SPRED1: variants seen among roughly 807,000 people sequenced by gnomAD.
The protein encoded by SPRED1 is sprouty related EVH1 domain containing 1.
In SPRED1, 18 loss-of-function variants were observed where a neutral mutation model predicts 52.3. The ratio of observed to expected loss-of-function variants is 0.34; its 90% confidence interval spans 0.24 to 0.51. The LOEUF (loss-of-function observed/expected upper bound fraction) is 0.51. Ranked by LOEUF, SPRED1 falls within the 20% of genes least tolerant of loss-of-function variation. The pLI, the probability that SPRED1 is intolerant of heterozygous loss-of-function variation, is 0.97. For synonymous variants in SPRED1, 155 were observed against 179.7 expected (o/e 0.86, Z 1.10); for missense variants, 485 against 551.0 (o/e 0.88, Z 1.20).
chr15:38,263,845 G>A (rs539534946), intron 1 of SPRED1, among the ~76,000 whole-genome samples: 16 of 152,290 alleles, frequency 1.1e-4, no homozygotes, highest in Admixed American at 8.5e-4. Context: ...ATCTCATAAT[G>A]TTATAAGAAA....
chr15:38,316,748 G>GGTTTTTTTTTTTTTTTTTTTTTTTT, intron 2 of SPRED1, among the ~76,000 whole-genome samples: 9 of 41,920 alleles, frequency 2.1e-4, no homozygotes, highest in Non-Finnish European at 2.2e-4. Flanking sequence ...TCCATTATAT[G>GGTTTTTTTTTTTTTTTTTTTTTTTT]TTTTTTTTTT....
chr15:38,317,104 A>G (rs930562850), intron 2 of SPRED1, among the ~76,000 whole-genome samples: 2 of 151,888 alleles, frequency 1.3e-5, no homozygotes, highest in African/African-American at 4.8e-5. Flanking sequence ...TATTTTATGA[A>G]TGTCCTTCAT....
chr15:38,292,752 G>A (rs1385165554), intron 1 of SPRED1, among the ~76,000 whole-genome samples: 1 of 152,090 alleles, frequency 6.6e-6, no homozygotes, highest in African/African-American at 2.4e-5. Context: ...TTGGATGGGG[G>A]ACACAGCCAA....
At chr15:38,345,744 G>A (rs1896120306) in intron 5 of SPRED1, among the ~76,000 whole-genome samples, 1 of 152,118 alleles carries the variant, frequency 6.6e-6, no homozygotes, top group African/African-American at 2.4e-5. Context: ...ATGACTTTTA[G>A]TGCACTTCAG....
In SPRED1 at chr15:38,349,453, A is replaced by G. The variant is rs779879921; in HGVS notation, c.614A>G (p.Gln205Arg). ...ITFGQPGLDIQSRSMEYVQRQ... is the reference protein window; with the variant it reads ...ITFGQPGLDIRSRSMEYVQRQ... ...TTTGGTCAGCCAGGCTTGGACATTC[A>G]GAGCAGAAGTATGGAATACGTACAG... is the stretch of plus-strand genomic sequence containing the variant. The change falls in exon 6 of 7, where the codon CAG (glutamine) becomes CGG (arginine). Residue 205 changes from glutamine (Q) to arginine (R), a missense_variant. Around this residue, in one of 5 missense-constraint regions of SPRED1, gnomAD observed 232 missense variants for 231.8 expected, o/e 1.00. Transcript: ENST00000299084. The G allele has an allele frequency of 1.2e-6, 2 of 1,612,774 alleles. No homozygotes were observed. Among genetic ancestry groups the G allele is most frequent in the Non-Finnish European group, 1.7e-6 (2 of 1,179,016 alleles).
chr15:38,344,884 T>G (rs1388125476), intron 5 of SPRED1, among the ~76,000 whole-genome samples: 3 of 152,118 alleles, frequency 2.0e-5, no homozygotes, highest in East Asian at 1.9e-4. Flanking sequence ...ACTAGATGTT[T>G]ATACATTTGC....
chr15:38,299,299 C>A, intron 1 of SPRED1, 74 bp from the exon 2 acceptor site: 1 of 1,522,184 alleles, frequency 6.6e-7, no homozygotes. Flanking sequence ...TCTTTGGTTT[C>A]TCAAACAAGA....
chr15:38,296,912 C>T (rs985954670), intron 1 of SPRED1, among the ~76,000 whole-genome samples: 11 of 152,162 alleles, frequency 7.2e-5, no homozygotes, highest in African/African-American at 2.4e-4. Flanking sequence ...TGAATGGATT[C>T]GTATCCTAAT....
intron 1 of SPRED1, among the ~76,000 whole-genome samples, chr15:38,288,360 GC>G (rs998240698): frequency 1.3e-5 from 2 of 152,300 alleles, no homozygotes; most frequent in African/African-American, 4.8e-5. Flanking sequence ...TTTGTAGTGA[GC>G]AAGGAAAACA....
rs563936449 is a variant in SPRED1, at chr15:38,357,216, A to G, written c.*5552A>G. ...GAGATCTGAAATGATGGTTCAAAAA[A>G]TACATTCATAATAAAAGTCTTAACA... is the stretch of plus-strand genomic sequence containing the variant. On this transcript the variant is annotated 3_prime_UTR_variant, in exon 7 of 7. Coordinates refer to ENST00000299084, the MANE Select transcript of SPRED1 (RefSeq NM_152594.3). 3 of 152,398 alleles carry G rather than the reference A, an allele frequency of 2.0e-5. No homozygotes were observed. The highest frequency in any genetic ancestry group is 2.0e-4 in the Admixed American group (3 of 15,312). The allele number at this position is 152,398 out of a possible 1,614,324, so 9.4% of individuals were successfully genotyped here. A position where few individuals can be genotyped will look rare whatever the true frequency, so the allele number is the denominator to read the frequency against.
Position 38,356,728 on chromosome 15 carries a change from G to A in SPRED1, c.*5064G>A, listed in dbSNP as rs1185472905. The A allele has an allele frequency of 1.3e-5, 2 of 151,394 alleles. No homozygotes were observed. The highest frequency in any genetic ancestry group is 4.9e-5 in the African/African-American group (2 of 40,892). 9.4% of individuals were successfully genotyped at this position (151,394 alleles called of 1,614,324 possible). Reference sequence around the variant, plus strand: ...AAGCTAATGACCTTAAGTGGCAATTGTTTAACCCAGGACTACTGATTTTTT... The same window carrying A: ...AAGCTAATGACCTTAAGTGGCAATTATTTAACCCAGGACTACTGATTTTTT... On this transcript the variant is annotated 3_prime_UTR_variant, in exon 7 of 7. Transcript: ENST00000299084.
At chr15:38,343,705 C>T (rs1896075206) in intron 5 of SPRED1, among the ~76,000 whole-genome samples, 1 of 152,068 alleles carries the variant, frequency 6.6e-6, no homozygotes, top group Non-Finnish European at 1.5e-5. Flanking sequence ...TTGTACAAGG[C>T]TCCAGGTAAG....
intron 1 of SPRED1, among the ~76,000 whole-genome samples, chr15:38,283,092 C>T (rs1184216416): frequency 6.6e-6 from 1 of 152,104 alleles, no homozygotes; most frequent in Non-Finnish European, 1.5e-5. Flanking sequence ...TTTAGTGACT[C>T]ACGGTTCCAC....
intron 1 of SPRED1, among the ~76,000 whole-genome samples, chr15:38,298,801 GTAATC>G (rs1257621515): frequency 6.6e-6 from 1 of 152,194 alleles, no homozygotes; most frequent in Non-Finnish European, 1.5e-5. Context: ...TGCTTGTTAA[GTAATC>G]TAAGCATAAC....
intron 5 of SPRED1, among the ~76,000 whole-genome samples, chr15:38,345,960 C>T (rs1566875014): frequency 1.3e-5 from 2 of 152,142 alleles, no homozygotes; most frequent in South Asian, 2.1e-4. Context: ...GTCAACTACG[C>T]TAGTTTATGT....
chr15:38,314,932 T>C (rs1382011090), intron 2 of SPRED1, among the ~76,000 whole-genome samples: 1 of 151,908 alleles, frequency 6.6e-6, no homozygotes, highest in Non-Finnish European at 1.5e-5. Context: ...CTGCCATTGC[T>C]GTTTCTGTTA....
At chr15:38,322,175 A>G in intron 2 of SPRED1, 66 bp from the exon 3 acceptor site, 1 of 1,481,754 alleles carries the variant, frequency 6.7e-7, no homozygotes, top group African/African-American at 1.4e-5. Context: ...CTCAGTTTGT[A>G]TTTATGAGCT....
intron 2 of SPRED1, among the ~76,000 whole-genome samples, chr15:38,305,792 C>T (rs1895240576): frequency 6.6e-6 from 1 of 152,054 alleles, no homozygotes. Context: ...TGTTTCAGTT[C>T]TTATGTTAAA....
chr15:38,289,293 T>A (rs941327337), intron 1 of SPRED1, among the ~76,000 whole-genome samples: 2 of 152,222 alleles, frequency 1.3e-5, no homozygotes, highest in Admixed American at 6.5e-5. Flanking sequence ...ACTTTTTCTG[T>A]ATTTCATGGC....
Sources: allele counts gnomAD v4.1 joint callset (sites outside exome capture counted in the v4.1 genomes callset), GRCh38; gene constraint gnomAD v4.1.1; regional missense constraint gnomAD v4.1.1; transcripts MANE v1.5; gene names NCBI Gene and HGNC (gene_info 2026-07-23, HGNC 2026-07-21).